Variants in ASH1L observed in about 807,000 individuals in gnomAD.
ASH1L encodes ASH1 like histone lysine methyltransferase.
Under a neutral mutation model 269.0 loss-of-function variants are expected in ASH1L, and 23 were observed. The observed-to-expected ratio is 0.09, with a 90% CI of 0.06 to 0.12. The LOEUF (loss-of-function observed/expected upper bound fraction) is 0.12, where lower values mean the gene tolerates loss of function less well. Among genes scored for constraint, ASH1L ranks in the 10% least tolerant of loss-of-function variants. The pLI is 1.00. For missense variants in ASH1L, 2,912 were observed against 3,567.8 expected (o/e 0.82, Z 4.68); for synonymous variants, 1,187 against 1,253.5 (o/e 0.95, Z 1.12).
At chr1:155,485,491 A>T (rs1442827795) in intron 2 of ASH1L, among the ~76,000 whole-genome samples, 1 of 152,104 alleles carries the variant, frequency 6.6e-6, no homozygotes, top group Non-Finnish European at 1.5e-5. Context: ...CAGCAAAAGA[A>T]AGTGGTAAAT....
intron 7 of ASH1L, among the ~76,000 whole-genome samples, chr1:155,383,020 G>T (rs1384130584): frequency 6.6e-6 from 1 of 152,136 alleles, no homozygotes; most frequent in Non-Finnish European, 1.5e-5. Flanking sequence ...GCCATGCCTG[G>T]CCCTCTTTTC....
chr1:155,438,514 C>T lies in ASH1L; in HGVS notation c.5641G>A (p.Glu1881Lys), dbSNP rs777179323. Reference protein sequence around the residue: ...QFVNPELNRDEEGAALHLSPD... With the variant: ...QFVNPELNRDKEGAALHLSPD... Reference sequence around the variant, plus strand: ...CTGAGGTGCAGTGCTGCTCCTTCCTCGTCTCTGTTCAATTCTGGGTTGACA... The same window carrying T: ...CTGAGGTGCAGTGCTGCTCCTTCCTTGTCTCTGTTCAATTCTGGGTTGACA... Residue 1881 changes from glutamate to lysine, a missense_variant, in exon 5 of 28, where the codon GAG becomes AAG. Glu to Lys is a moderately conservative substitution (Grantham distance 56). Around this residue, in one of 13 missense-constraint regions of ASH1L, gnomAD observed 789 missense variants for 897.6 expected, o/e 0.88. Transcript: ENST00000392403. 4 of 1,612,910 alleles carry T rather than the reference C, an allele frequency of 2.5e-6. No individual in the cohort carries two copies. The highest frequency in any genetic ancestry group is 1.1e-5 in the South Asian group (1 of 90,842).
rs752019581 is a variant in ASH1L, at chr1:155,370,694, G to T, written c.6540-44C>A. The T allele has an allele frequency of 1.9e-6, 3 of 1,612,182 alleles. No homozygotes were observed. In the East Asian group the frequency reaches 6.7e-5, roughly 36 times the overall value. ...ATTGAAAGACAATTAAAGAGTAGCT[G>T]AAAGTAAATTTCACATCTTCCATTC... is the stretch of plus-strand genomic sequence containing the variant. On this transcript the variant is annotated intron_variant, in intron 11 of 27. Coordinates refer to ENST00000392403, the MANE Select transcript of ASH1L (RefSeq NM_018489.3).
rs192524983 is a variant in ASH1L, at chr1:155,336,011, A to G, written c.*1649T>C. The G allele has an allele frequency of 6.5e-6, 1 of 152,770 alleles. No homozygotes were observed. Among genetic ancestry groups the G allele is most frequent in the East Asian group, 1.9e-4 (1 of 5,318 alleles). The allele number at this position is 152,770 out of a possible 1,614,324, so 9.5% of individuals were successfully genotyped here. A position where few individuals can be genotyped will look rare whatever the true frequency, so the allele number is the denominator to read the frequency against. ...ATACCCAGGTCTCTTAGTAATGTAC[A>G]GTGCTTCTCTACAGTAAGAAAATAC... On this transcript the variant is annotated 3_prime_UTR_variant, in exon 28 of 28. Transcript: ENST00000392403.
In ASH1L at chr1:155,344,188, C is replaced by T. The variant is rs201394353; in HGVS notation, c.7976G>A (p.Arg2659His). Residue 2659 changes from arginine to histidine, a missense_variant, in exon 22 of 28, where the codon CGT (arginine) becomes CAT (histidine). Physicochemically the swap from Arg to His is conservative, Grantham distance 29. Around this residue, in one of 13 missense-constraint regions of ASH1L, gnomAD observed 179 missense variants for 293.8 expected, o/e 0.61. Transcript: ENST00000392403. ...ICLLRDDLLL[R>H]QGDCVYLMRD... ...ATTAGCTCCTGTATACATACCCTGA[C>T]GAAGCAGCAAGTCATCTCGGAGCAA... The T allele has an allele frequency of 1.3e-4, 205 of 1,613,812 alleles. No individual in the cohort carries two copies. The highest frequency in any genetic ancestry group is 1.6e-4 in the East Asian group (7 of 44,886).
chr1:155,366,766 G>A (rs149887714), intron 12 of ASH1L, among the ~76,000 whole-genome samples: 2,656 of 151,150 alleles, frequency 0.018, 40 homozygotes, highest in Middle Eastern at 0.042. Context: ...CTCTGCCTCC[G>A]GAGTTGAAGC....
intron 2 of ASH1L, among the ~76,000 whole-genome samples, chr1:155,509,262 T>TTGATCCCCAGGA (rs1026628198): frequency 2.0e-4 from 31 of 152,078 alleles, no homozygotes; most frequent in Non-Finnish European, 1.8e-4. Context: ...GGAAGATAGC[T>TTGATCCCCAGGA]TGATCCCCAG....
intron 1 of ASH1L, among the ~76,000 whole-genome samples, chr1:155,527,436 G>T (rs750070471): frequency 8.6e-5 from 13 of 151,048 alleles, no homozygotes; most frequent in Non-Finnish European, 1.5e-4. Flanking sequence ...TAAGAAGAAT[G>T]ATCAATTCTC....
In ASH1L at chr1:155,336,701, A is replaced by G. The variant is rs1446495264; in HGVS notation, c.*959T>C. The G allele has an allele frequency of 6.6e-6, 1 of 152,560 alleles. No homozygotes were observed. 9.5% of individuals were successfully genotyped at this position (152,560 alleles called of 1,614,324 possible). Reference sequence around the variant, plus strand: ...ACTGTACAATTAAGAAAACAAGAGTAGTGTTTTCAATTGATAATCTATACT... The same window carrying G: ...ACTGTACAATTAAGAAAACAAGAGTGGTGTTTTCAATTGATAATCTATACT... On this transcript the variant is annotated 3_prime_UTR_variant, in exon 28 of 28. Coordinates refer to ENST00000392403, the MANE Select transcript of ASH1L (RefSeq NM_018489.3).
At chr1:155,398,767 C>T (rs1298434130) in intron 6 of ASH1L, among the ~76,000 whole-genome samples, 1 of 152,010 alleles carries the variant, frequency 6.6e-6, no homozygotes, top group Non-Finnish European at 1.5e-5. Context: ...AGTGCAGTGG[C>T]GAGATCTCAG....
At position 155,481,759 on chromosome 1, in the gene ASH1L, C is replaced by T; in HGVS notation, c.1111G>A (p.Asp371Asn). Reference sequence around the variant, plus strand: ...GTAGAACCCAATTTCTTTCCCAAATCTTTATTAACCAGTCCAACCACAGTG... The same window carrying T: ...GTAGAACCCAATTTCTTTCCCAAATTTTTATTAACCAGTCCAACCACAGTG... ...LGTVVGLVNK[D>N]LGKKLGSTVG... The change falls in exon 3 of 28, where the codon GAT (aspartate) becomes AAT (asparagine). Residue 371 changes from aspartate (D) to asparagine (N), a missense_variant. Transcript: ENST00000392403. 1 of 1,614,210 alleles carries T rather than the reference C, an allele frequency of 6.2e-7. No homozygotes were observed.
chr1:155,452,988 G>A (rs1253090771), intron 4 of ASH1L, among the ~76,000 whole-genome samples: 1 of 152,076 alleles, frequency 6.6e-6, no homozygotes, highest in African/African-American at 2.4e-5. Flanking sequence ...TTTTTCTTAG[G>A]CCATTTTTTT....
At chr1:155,355,946 T>C (rs1437139986) in intron 15 of ASH1L, among the ~76,000 whole-genome samples, 1 of 151,748 alleles carries the variant, frequency 6.6e-6, no homozygotes, top group Non-Finnish European at 1.5e-5. Flanking sequence ...TTGTTTTTTT[T>C]TGTTTTTTGA....
At chr1:155,511,712 G>A (rs1226257824) in intron 2 of ASH1L, among the ~76,000 whole-genome samples, 1 of 152,162 alleles carries the variant, frequency 6.6e-6, no homozygotes, top group African/African-American at 2.4e-5. Context: ...CACCATGTTG[G>A]CCAGCATAGT....
At chr1:155,352,297 C>CAAA (rs1281473342) in intron 17 of ASH1L, among the ~76,000 whole-genome samples, 30 of 28,042 alleles carry the variant, frequency 1.1e-3, no homozygotes, top group African/African-American at 1.3e-3. Flanking sequence ...ACCTCCATCT[C>CAAA]AAAAAAAAAA....
intron 1 of ASH1L, among the ~76,000 whole-genome samples, chr1:155,550,902 C>A (rs1305833556): frequency 6.6e-6 from 1 of 152,302 alleles, no homozygotes; most frequent in South Asian, 2.1e-4. Context: ...TGGCTGACTG[C>A]AGCCTCGACC....
Position 155,480,524 on chromosome 1 carries a change from C to G in ASH1L, c.2346G>C (p.Leu782Phe), listed in dbSNP as rs760749967. The G allele has an allele frequency of 8.7e-6, 14 of 1,613,954 alleles. No individual in the cohort carries two copies. The highest frequency in any genetic ancestry group is 1.2e-5 in the Non-Finnish European group (14 of 1,179,990). Residue 782 changes from leucine (L) to phenylalanine (F), a missense_variant, in exon 3 of 28, where the codon TTG (leucine) becomes TTC (phenylalanine). Leu to Phe is a conservative substitution (Grantham distance 22, BLOSUM62 0). Transcript: ENST00000392403. ...HDFLKRRLPK[L>F]SKSTAPSLAL... ...CAAGAGATGGAGCTGTGGATTTGCTCAACTTTGGCAATCGGCGTTTAAGGA... is the reference window on the plus strand; with the variant it reads ...CAAGAGATGGAGCTGTGGATTTGCTGAACTTTGGCAATCGGCGTTTAAGGA...
intron 2 of ASH1L, among the ~76,000 whole-genome samples, chr1:155,514,649 G>C (rs1452591932): frequency 6.6e-6 from 1 of 152,124 alleles, no homozygotes; most frequent in African/African-American, 2.4e-5. Flanking sequence ...TAAAGCAGTG[G>C]AGACGATTTG....
chr1:155,526,725 TCCTA>T (rs1204035746), intron 1 of ASH1L, among the ~76,000 whole-genome samples: 1 of 152,144 alleles, frequency 6.6e-6, no homozygotes. Context: ...CTACCTACCT[TCCTA>T]CCTGTGTCTG....
Sources: gnomAD v4.1 joint callset for allele counts (sites outside exome capture counted in the v4.1 genomes callset) on GRCh38, gnomAD v4.1.1 for gene constraint, gnomAD v4.1.1 regional missense constraint, MANE v1.5 for transcripts, NCBI Gene and HGNC (gene_info 2026-07-23, HGNC 2026-07-21) for gene names.